Variants in TUBG2 observed in about 807,000 individuals in gnomAD.
The protein encoded by TUBG2 is tubulin gamma 2.
TUBG2 carries 39 observed loss-of-function variants against 55.1 expected under a neutral mutation model. The observed-to-expected ratio is 0.71, with a 90% CI of 0.55 to 0.93. The LOEUF (loss-of-function observed/expected upper bound fraction) is 0.93. TUBG2 is among the 40% of genes least tolerant of loss of function. TUBG2 has a pLI of 0.00. For synonymous variants in TUBG2, 223 were observed against 241.0 expected, an observed-to-expected ratio of 0.93 and a Z score of 0.69; for missense variants, 358 against 599.1, an observed-to-expected ratio of 0.60 and a Z score of 4.20.
At chr17:42,663,159 GGACA>G (rs2052429695) in intron 5 of TUBG2, 107 bp downstream of exon 5, 4 of 1,340,258 alleles carry the variant, frequency 3.0e-6, no homozygotes, top group Non-Finnish European at 4.2e-6. Context: ...TGAGTCATAG[GGACA>G]GACCCACCCA....
Position 42,662,967 on chromosome 17 carries a change from A to C in TUBG2, c.400-6A>C. The C allele has an allele frequency of 6.2e-7, 1 of 1,613,862 alleles. No individual in the cohort carries two copies. The highest frequency in any genetic ancestry group is 8.5e-7 in the Non-Finnish European group (1 of 1,179,890). On this transcript the variant is annotated splice_polypyrimidine_tract_variant and splice_region_variant and intron_variant, in intron 4 of 10. Coordinates refer to ENST00000251412, the MANE Select transcript of TUBG2 (RefSeq NM_016437.3). ...ACTGAGTCTGTTTATTCCTGTATAC[A>C]CACAGGGCTTCGTGCTGTGTCACTC...
chr17:42,661,406 G>A (rs960799010), intron 4 of TUBG2: 2 of 152,302 alleles, frequency 1.3e-5, no homozygotes, highest in Non-Finnish European at 2.9e-5. Context: ...GCCACTGGAT[G>A]GGGGGCTGGT....
chr17:42,665,683 C>T lies in TUBG2; in HGVS notation c.699C>T (p.Ser233=), dbSNP rs752903378. ...CATGGCACGCCTGTCCCCAGGTGTC[C>T]ACCATCATGTCGGCCAGCACCACCA... ...PSFSQINQLV[S]TIMSASTTTL... is the part of the protein sequence containing the mutation. Residue 233 remains serine (S), a synonymous_variant, in exon 8 of 11, where the codon TCC becomes TCT. Coordinates refer to ENST00000251412, the MANE Select transcript of TUBG2 (RefSeq NM_016437.3). The T allele has an allele frequency of 1.4e-5, 22 of 1,614,146 alleles. No individual in the cohort carries two copies. Among genetic ancestry groups the T allele is most frequent in the Middle Eastern group, 1.6e-4 (1 of 6,062 alleles).
intron 8 of TUBG2, 98 bp from the exon 9 acceptor site, chr17:42,665,989 T>C: frequency 6.3e-7 from 1 of 1,597,050 alleles, no homozygotes; most frequent in Admixed American, 1.7e-5. Flanking sequence ...TTGCTGACTT[T>C]CTCTCCACCC....
In TUBG2 at chr17:42,663,363, C is replaced by T; in HGVS notation, c.480-14C>T. 6.2e-7 allele frequency: 1 copy of T among 1,613,970 alleles called. No individual in the cohort carries two copies. On this transcript the variant is annotated splice_polypyrimidine_tract_variant and intron_variant, in intron 5 of 10. Coordinates refer to ENST00000251412, the MANE Select transcript of TUBG2 (RefSeq NM_016437.3). ...CCTTCCGGTTCACTATGCCACCATC[C>T]TCTTTTCTCTCAGGTACCCCAAGAA...
Position 42,659,437 on chromosome 17 carries a change from T to A in TUBG2, c.-67T>A. 6.7e-7 allele frequency: 1 copy of A among 1,499,108 alleles called. No individual in the cohort carries two copies. The highest frequency in any genetic ancestry group is 9.0e-7 in the Non-Finnish European group (1 of 1,114,904). The allele number at this position is 1,499,108 out of a possible 1,614,324, so 92.9% of individuals were successfully genotyped here. On this transcript the variant is annotated 5_prime_UTR_variant, in exon 1 of 11. Coordinates refer to ENST00000251412, the MANE Select transcript of TUBG2 (RefSeq NM_016437.3). Reference sequence around the variant, plus strand: ...GCTCCCCACGTCCTGCGCTCCTGGCTGCCGGGCATTCGTCTCAGCCGTGAC... The same window carrying A: ...GCTCCCCACGTCCTGCGCTCCTGGCAGCCGGGCATTCGTCTCAGCCGTGAC...
At chr17:42,660,412 A>C in intron 3 of TUBG2, 96 bp downstream of exon 3, 1 of 1,572,510 alleles carries the variant, frequency 6.4e-7, no homozygotes, top group South Asian at 1.2e-5. Flanking sequence ...ACAGAAAATA[A>C]GAGACAAAAG....
At chr17:42,660,801 GCAATT>G in intron 4 of TUBG2, 94 bp downstream of exon 4, 1 of 1,050,876 alleles carries the variant, frequency 9.5e-7, no homozygotes, top group Non-Finnish European at 1.5e-6. Context: ...TATGAGGGGA[GCAATT>G]CAATTCAAAA....
intron 4 of TUBG2, 133 bp from the exon 5 acceptor site, chr17:42,662,840 C>T (rs1597773084): frequency 1.3e-6 from 1 of 753,408 alleles, no homozygotes; most frequent in Non-Finnish European, 2.2e-6. Context: ...TTAGTGGATA[C>T]CCAGCTGGCA....
intron 1 of TUBG2, 131 bp downstream of exon 1, chr17:42,659,683 C>T: frequency 7.3e-7 from 1 of 1,364,636 alleles, no homozygotes; most frequent in Non-Finnish European, 9.9e-7. Flanking sequence ...ATAACCCAGA[C>T]CGAGAGCTGC....
In TUBG2 at chr17:42,666,625, AG is replaced by A; in HGVS notation, c.1182del (p.Gln394HisfsTer69). 1 of 1,614,224 alleles carries A rather than the reference AG, an allele frequency of 6.2e-7. No homozygotes were observed. Among genetic ancestry groups the A allele is most frequent in the Non-Finnish European group, 8.5e-7 (1 of 1,180,038 alleles). ...ISSLFESSCQ[Q>X]FDKLRKRDAF... ...CAGCTCTTTGAAAGTTCCTGCCAGC[AG>A]TTTGACAAGCTGCGGAAGCGGGATG... On this transcript the variant is annotated frameshift_variant, in exon 11 of 11. Transcript: ENST00000251412. LOFTEE classifies it high-confidence loss of function.
chr17:42,662,561 G>A (rs375948905), intron 4 of TUBG2, among the ~76,000 whole-genome samples: 2 of 151,804 alleles, frequency 1.3e-5, no homozygotes, highest in African/African-American at 4.8e-5. Context: ...AGCCAAGATC[G>A]GGCCATTGCA....
In TUBG2 at chr17:42,659,373, C is replaced by A; in HGVS notation, c.-131C>A. 1.0e-6 allele frequency: 1 copy of A among 972,824 alleles called. No homozygotes were observed. 60.3% of individuals were successfully genotyped at this position (972,824 alleles called of 1,614,324 possible). A position where few individuals can be genotyped will look rare whatever the true frequency, so the allele number is the denominator to read the frequency against. On this transcript the variant is annotated 5_prime_UTR_variant, in exon 1 of 11. Coordinates refer to ENST00000251412, the MANE Select transcript of TUBG2 (RefSeq NM_016437.3). ...AGGAGAGGCCTGCGCTGCACACGCG[C>A]AGACCGAGCATCCGCGTCAAGAGGC...
chr17:42,666,739 T>C lies in TUBG2; in HGVS notation c.1295T>C (p.Ile432Thr), dbSNP rs199687374. 309 of 1,614,114 alleles carry C rather than the reference T, an allele frequency of 1.9e-4. 1 individual carries two copies. The highest frequency in any genetic ancestry group is 3.5e-4 in the Admixed American group (21 of 60,026). Residue 432 changes from isoleucine (I) to threonine (T), a missense_variant, in exon 11 of 11, where the codon ATT (isoleucine) becomes ACT (threonine). This residue lies in a region of TUBG2 where 54 missense variants were observed against 50.2 expected (regional missense o/e 1.08). Transcript: ENST00000251412. Reference protein sequence around the residue: ...DRSREVVQELIDEYHAATQPD... With the variant: ...DRSREVVQELTDEYHAATQPD... ...TCTAGGGAGGTTGTTCAGGAGCTCATTGATGAGTACCATGCGGCCACCCAG... is the reference window on the plus strand; with the variant it reads ...TCTAGGGAGGTTGTTCAGGAGCTCACTGATGAGTACCATGCGGCCACCCAG...
Position 42,666,618 on chromosome 17 carries a change from T to C in TUBG2, c.1174T>C (p.Cys392Arg). ...TSISSLFESS[C>R]QQFDKLRKRD... The stretch of plus-strand genomic sequence containing the variant: ...TCTCTTTCAGCTCTTTGAAAGTTCC[T>C]GCCAGCAGTTTGACAAGCTGCGGAA... The change falls in exon 11 of 11, where the codon TGC becomes CGC. Residue 392 changes from cysteine to arginine, a missense_variant. Cys to Arg is a radical substitution (Grantham distance 180). Around this residue, in one of 8 missense-constraint regions of TUBG2, gnomAD observed 129 missense variants for 251.6 expected, o/e 0.51. Coordinates refer to ENST00000251412, the MANE Select transcript of TUBG2 (RefSeq NM_016437.3). 1.2e-6 allele frequency: 2 copies of C among 1,614,268 alleles called. No homozygotes were observed. The highest frequency in any genetic ancestry group is 1.7e-6 in the Non-Finnish European group (2 of 1,180,042).
intron 8 of TUBG2, 48 bp downstream of exon 8, chr17:42,665,875 C>T (rs753094890): frequency 1.1e-5 from 17 of 1,611,848 alleles, no homozygotes; most frequent in Non-Finnish European, 1.4e-5. Context: ...CTGGGCCCAG[C>T]AGGCCCTGCC....
chr17:42,662,961 G>A lies in TUBG2; in HGVS notation c.400-12G>A. ...GGAGAAACTGAGTCTGTTTATTCCT[G>A]TATACACACAGGGCTTCGTGCTGTG... On this transcript the variant is annotated splice_polypyrimidine_tract_variant and intron_variant, in intron 4 of 10. Transcript: ENST00000251412. The A allele has an allele frequency of 6.2e-7, 1 of 1,613,290 alleles. No individual in the cohort carries two copies. The highest frequency in any genetic ancestry group is 8.5e-7 in the Non-Finnish European group (1 of 1,179,656).
chr17:42,659,990 G>A, intron 2 of TUBG2, 44 bp downstream of exon 2: 1 of 1,534,076 alleles, frequency 6.5e-7, no homozygotes. Context: ...GCCCAAGGGG[G>A]CGGAAGGGAA....
In TUBG2 at chr17:42,662,969, A is replaced by G. The variant is rs898800196; in HGVS notation, c.400-4A>G. The G allele has an allele frequency of 1.2e-6, 2 of 1,613,904 alleles. No homozygotes were observed. The highest frequency in any genetic ancestry group is 1.7e-6 in the Non-Finnish European group (2 of 1,179,920). On this transcript the variant is annotated splice_polypyrimidine_tract_variant and splice_region_variant and intron_variant, in intron 4 of 10. Coordinates refer to ENST00000251412, the MANE Select transcript of TUBG2 (RefSeq NM_016437.3). ...TGAGTCTGTTTATTCCTGTATACACACAGGGCTTCGTGCTGTGTCACTCCA... is the reference window on the plus strand; with the variant it reads ...TGAGTCTGTTTATTCCTGTATACACGCAGGGCTTCGTGCTGTGTCACTCCA...
Sources: allele counts gnomAD v4.1 joint callset (sites outside exome capture counted in the v4.1 genomes callset), GRCh38; gene constraint gnomAD v4.1.1; regional missense constraint gnomAD v4.1.1; transcripts MANE v1.5; gene names NCBI Gene and HGNC (gene_info 2026-07-23, HGNC 2026-07-21).